ITGAD: variants seen among roughly 807,000 people sequenced by gnomAD.
ITGAD encodes the protein integrin subunit alpha D.
ITGAD carries 105 observed loss-of-function variants against 139.0 expected under a neutral mutation model. The observed-to-expected ratio is 0.76, with a 90% confidence interval of 0.65 to 0.89. The LOEUF (loss-of-function observed/expected upper bound fraction) is 0.89, where lower values mean the gene tolerates loss of function less well. Among genes scored for constraint, ITGAD ranks in the 40% least tolerant of loss-of-function variants. The probability of loss-of-function intolerance (pLI) is 0.00; values close to 1 mark genes in which losing one functional copy is unlikely to be tolerated. For missense variants in ITGAD, 1,384 were observed against 1,487.3 expected, an observed-to-expected ratio of 0.93 and a Z score of 1.14; for synonymous variants, 569 against 598.3, an observed-to-expected ratio of 0.95 and a Z score of 0.71.
chr16:31,397,534 C>T (rs1402148902), intron 3 of ITGAD, 62 bp from the exon 4 acceptor site: 2 of 1,594,428 alleles, frequency 1.3e-6, no homozygotes, highest in African/African-American at 2.7e-5. Flanking sequence ...AGCTTCCAGT[C>T]CAGACCTTCC....
Position 31,407,837 on chromosome 16 carries a change from C to A in ITGAD, c.930C>A (p.Asp310Glu). 6.2e-7 allele frequency: 1 copy of A among 1,611,792 alleles called. No homozygotes were observed. Residue 310 changes from aspartate (D) to glutamate (E), a missense_variant, in exon 9 of 30, where the codon GAC becomes GAA. Transcript: ENST00000389202. Reference protein sequence around the residue: ...LNTISSAPPQDHVFKVDNFAA... With the variant: ...LNTISSAPPQEHVFKVDNFAA... ...CCATCAGCTCAGCGCCTCCGCAGGA[C>A]CACGTGTTCAAGGTGGACAACTTTG...
intron 14 of ITGAD, 101 bp downstream of exon 14, chr16:31,411,618 C>A: frequency 1.7e-6 from 2 of 1,179,746 alleles, no homozygotes; most frequent in Non-Finnish European, 2.5e-6. Context: ...TTCCTTGTTG[C>A]AGTGGTTTGT....
intron 11 of ITGAD, 98 bp downstream of exon 11, chr16:31,410,622 G>A (rs986194337): frequency 3.8e-6 from 6 of 1,569,396 alleles, no homozygotes; most frequent in Admixed American, 3.5e-5. Flanking sequence ...TGCTGCCTGG[G>A]GTGGGTTCCA....
At chr16:31,394,146 A>G (rs542006814) in intron 1 of ITGAD, 90 bp from the exon 2 acceptor site, 14,403 of 757,400 alleles carry the variant, frequency 0.019, 120 homozygotes, top group African/African-American at 0.03. Context: ...AAAAAAAAAA[A>G]AAAAGAAAAA....
At chr16:31,412,200 T>C (rs1218907686) in intron 14 of ITGAD, among the ~76,000 whole-genome samples, 2 of 151,736 alleles carry the variant, frequency 1.3e-5, no homozygotes, top group African/African-American at 4.8e-5. Flanking sequence ...TCTGCCACCA[T>C]ACCCGGCTAA....
At chr16:31,397,334 G>A in intron 2 of ITGAD, 25 bp from the exon 3 acceptor site, 1 of 1,524,024 alleles carries the variant, frequency 6.6e-7, no homozygotes, top group Non-Finnish European at 8.9e-7. Context: ...TGGCTGCAGT[G>A]ACATGGCCAT....
Position 31,414,432 on chromosome 16 carries a change from A to G in ITGAD, c.1997-19A>G, listed in dbSNP as rs1449401426. The G allele has an allele frequency of 6.2e-7, 1 of 1,607,488 alleles. No homozygotes were observed. Among genetic ancestry groups the G allele is most frequent in the African/African-American group, 1.3e-5 (1 of 74,488 alleles). ...GGTTATTTCTGCCTTTTCATTTTGC[A>G]CTCTCCCCTGCACTTCAGGTGACAT... On this transcript the variant is annotated intron_variant, in intron 16 of 29. Transcript: ENST00000389202.
chr16:31,419,630 G>T (rs544652219), intron 23 of ITGAD, among the ~76,000 whole-genome samples: 1 of 152,038 alleles, frequency 6.6e-6, no homozygotes, highest in African/African-American at 2.4e-5. Context: ...GGCCAACATG[G>T]CGAAACCTTG....
intron 20 of ITGAD, among the ~76,000 whole-genome samples, chr16:31,417,112 C>G (rs2081910175): frequency 1.3e-5 from 2 of 148,414 alleles, no homozygotes; most frequent in Non-Finnish European, 3.0e-5. Context: ...GGCACAATCA[C>G]CACTCACTGC....
chr16:31,423,979 A>G (rs781186874), intron 27 of ITGAD, 21 bp downstream of exon 27: 10 of 1,609,176 alleles, frequency 6.2e-6, no homozygotes, highest in African/African-American at 1.3e-5. Context: ...GCAGCGGCAG[A>G]GCCCCTGCCC....
intron 10 of ITGAD, chr16:31,408,752 T>G: frequency 2.2e-6 from 1 of 447,138 alleles, no homozygotes; most frequent in Non-Finnish European, 4.1e-6. Flanking sequence ...AGCATCAGGG[T>G]AGAGAGAGAG....
intron 22 of ITGAD, 25 bp downstream of exon 22, chr16:31,418,405 C>T (rs1331781241): frequency 6.2e-7 from 1 of 1,609,022 alleles, no homozygotes; most frequent in Non-Finnish European, 8.5e-7. Context: ...GGGTATCCCC[C>T]ACCCTCCATC....
Position 31,398,592 on chromosome 16 carries a change from C to A in ITGAD, c.427+683C>A, listed in dbSNP as rs115840925. On this transcript the variant is annotated intron_variant, in intron 5 of 29. Transcript: ENST00000389202. ...GAACTCCTGGGCTCAAGTGATCCTC[C>A]TCCCTTAGCCTACTGAGTAGTTGGG... Among the ~76,000 whole-genome samples, 637 of 151,980 alleles carry A rather than the reference C, an allele frequency of 4.2e-3. 8 individuals are homozygous for A. The highest frequency in any genetic ancestry group is 0.015 in the African/African-American group (624 of 41,474).
At chr16:31,418,640 C>A (rs2081947352) in intron 23 of ITGAD, 76 bp downstream of exon 23, 2 of 1,100,588 alleles carry the variant, frequency 1.8e-6, no homozygotes, top group Non-Finnish European at 1.4e-6. Flanking sequence ...TCCCAGCCTG[C>A]TCTTCCAATG....
rs1168703008 is a variant in ITGAD at position 31,411,551 on chromosome 16, C to T, written c.1707+34C>T. ...CGTCTTCAGCCTCTTTTAGTCCCAG[C>T]TCCTTCCCATGTCCTGAGTTCACTG... On this transcript the variant is annotated intron_variant, in intron 14 of 29. Coordinates refer to ENST00000389202, the MANE Select transcript of ITGAD (RefSeq NM_005353.3). 3 of 1,603,134 alleles carry T rather than the reference C, an allele frequency of 1.9e-6. No individual in the cohort carries two copies. In the East Asian group the frequency reaches 6.7e-5, roughly 36 times the overall value.
At chr16:31,398,032 A>C in intron 5 of ITGAD, 123 bp downstream of exon 5, 1 of 667,738 alleles carries the variant, frequency 1.5e-6, no homozygotes, top group South Asian at 1.9e-5. Context: ...CTAGGAGAGA[A>C]GCCAGGAGAA....
At chr16:31,405,600 T>G (rs1001507790) in intron 7 of ITGAD, among the ~76,000 whole-genome samples, 1 of 151,648 alleles carries the variant, frequency 6.6e-6, no homozygotes, top group African/African-American at 2.4e-5. Context: ...CCTGTCTGGG[T>G]TTTTTTCCCC....
rs778255999 is a variant in ITGAD, at chr16:31,407,521, GC to G, written c.712del (p.Leu238TyrfsTer63). The G allele has an allele frequency of 1.1e-5, 17 of 1,590,826 alleles. No individual in the cohort carries two copies. Among genetic ancestry groups the G allele is most frequent in the Non-Finnish European group, 1.1e-5 (13 of 1,167,398 alleles). ...ATGILTVVTQLFHHKNGARKS... is the reference protein window; with the variant it reads ...ATGILTVVTQXFHHKNGARKS... ...TTCCTTTCCTCCCCGACAGGACACA[GC>G]TATTTCATCATAAGAATGGGGCCCG... On this transcript the variant is annotated frameshift_variant, in exon 8 of 30. Coordinates refer to ENST00000389202, the MANE Select transcript of ITGAD (RefSeq NM_005353.3). LOFTEE classifies it high-confidence loss of function.
At chr16:31,405,894 C>T (rs764246889) in intron 7 of ITGAD, among the ~76,000 whole-genome samples, 11 of 152,124 alleles carry the variant, frequency 7.2e-5, no homozygotes, top group African/African-American at 1.4e-4. Flanking sequence ...CCTCCTGCCT[C>T]GGCCTCCCAT....
Sources: gnomAD v4.1 joint callset for allele counts (sites outside exome capture counted in the v4.1 genomes callset) on GRCh38, gnomAD v4.1.1 for gene constraint, MANE v1.5 for transcripts, NCBI Gene and HGNC (gene_info 2026-07-23, HGNC 2026-07-21) for gene names.